ARID4A: variants seen among roughly 807,000 people sequenced by gnomAD.
The protein encoded by ARID4A is AT-rich interactive domain-containing protein 4A.
ARID4A carries 39 observed loss-of-function variants against 148.6 expected under a neutral mutation model. The ratio of observed to expected loss-of-function variants is 0.26; its 90% CI spans 0.20 to 0.34. The LOEUF is 0.34. ARID4A is among the 10% of genes least tolerant of loss of function. The pLI, the probability that ARID4A is intolerant of heterozygous loss-of-function variation, is 1.00. For missense variants in ARID4A, 1,265 were observed against 1,449.1 expected (o/e 0.87, Z 2.06); for synonymous variants, 475 against 481.2 (o/e 0.99, Z 0.17).
intron 18 of ARID4A, 84 bp downstream of exon 18, chr14:58,359,300 GTT>G: frequency 2.2e-6 from 3 of 1,336,436 alleles, no homozygotes; most frequent in Non-Finnish European, 3.1e-6. Context: ...TTTAAGAACA[GTT>G]TTAGGTTTAT....
rs530514153 is a variant in ARID4A, at chr14:58,344,832, C to G, written c.979+65C>G. On this transcript the variant is annotated intron_variant, in intron 12 of 23. Coordinates refer to ENST00000355431, the MANE Select transcript of ARID4A (RefSeq NM_002892.4). ...TTCATGTTTACATTCTAGGTATATG[C>G]ATTGTTTTTGTTAGTATTGCAGATA... The G allele has an allele frequency of 8.3e-6, 10 of 1,198,976 alleles. No homozygotes were observed. The African/African-American group carries it at 1.5e-4, about 18-fold the overall frequency. The allele number at this position is 1,198,976 out of a possible 1,614,324, so 74.3% of individuals were successfully genotyped here. A position where few individuals can be genotyped will look rare whatever the true frequency, so the allele number is the denominator to read the frequency against.
rs1348018482 is a variant in ARID4A, at chr14:58,365,302, T to G, written c.3211+2T>G. The G allele has an allele frequency of 5.6e-6, 9 of 1,599,916 alleles. No homozygotes were observed. Among genetic ancestry groups the G allele is most frequent in the Non-Finnish European group, 7.7e-6 (9 of 1,174,316 alleles). On this transcript the variant is annotated splice_donor_variant, in intron 20 of 23. Coordinates refer to ENST00000355431, the MANE Select transcript of ARID4A (RefSeq NM_002892.4). LOFTEE classifies it high-confidence loss of function. ...AAGAGAGAGAGAGCAGAGAGAAGGGTAAGGACTTTCTAGGGAAAAGTAAGT... is the reference window on the plus strand; with the variant it reads ...AAGAGAGAGAGAGCAGAGAGAAGGGGAAGGACTTTCTAGGGAAAAGTAAGT...
chr14:58,351,000 G>C lies in ARID4A; in HGVS notation c.1405-73G>C, dbSNP rs904246798. On this transcript the variant is annotated intron_variant, in intron 15 of 23. Coordinates refer to ENST00000355431, the MANE Select transcript of ARID4A (RefSeq NM_002892.4). ...AGAGACATTGCTATGAAGGTTAAAGGAAAAGATATTTTTTCCTGCTTTTTT... is the reference window on the plus strand; with the variant it reads ...AGAGACATTGCTATGAAGGTTAAAGCAAAAGATATTTTTTCCTGCTTTTTT... The C allele has an allele frequency of 4.8e-6, 7 of 1,464,418 alleles. No homozygotes were observed. In the African/African-American group the frequency reaches 1.0e-4, roughly 21 times the overall value. 90.7% of individuals were successfully genotyped at this position (1,464,418 alleles called of 1,614,324 possible).
At chr14:58,299,095 A>G (rs971649371) in intron 1 of ARID4A, among the ~76,000 whole-genome samples, 1 of 152,138 alleles carries the variant, frequency 6.6e-6, no homozygotes, top group African/African-American at 2.4e-5. Context: ...GGGCTGTACA[A>G]AAAGTTGAGG....
intron 18 of ARID4A, among the ~76,000 whole-genome samples, chr14:58,359,993 G>A (rs1312044878): frequency 6.6e-6 from 1 of 151,722 alleles, no homozygotes; most frequent in Non-Finnish European, 1.5e-5. Context: ...GTGAACCCAG[G>A]AGGCGGAGCT....
At chr14:58,333,361 T>A (rs2033637982) in intron 11 of ARID4A, among the ~76,000 whole-genome samples, 1 of 151,976 alleles carries the variant, frequency 6.6e-6, no homozygotes, top group Non-Finnish European at 1.5e-5. Flanking sequence ...ATTCATTTAT[T>A]CCTGATTTAT....
intron 11 of ARID4A, among the ~76,000 whole-genome samples, chr14:58,332,193 G>A (rs1480654328): frequency 6.6e-6 from 1 of 152,046 alleles, no homozygotes; most frequent in East Asian, 1.9e-4. Flanking sequence ...CAGAGGCAAA[G>A]CTCTGTTACC....
At chr14:58,358,184 A>C (rs1486834382) in intron 17 of ARID4A, among the ~76,000 whole-genome samples, 1 of 150,926 alleles carries the variant, frequency 6.6e-6, no homozygotes, top group African/African-American at 2.4e-5. Flanking sequence ...TCTCTAAAAA[A>C]ATTGCCGGGT....
At chr14:58,357,261 G>T (rs1365173415) in intron 17 of ARID4A, among the ~76,000 whole-genome samples, 2 of 152,212 alleles carry the variant, frequency 1.3e-5, no homozygotes, top group African/African-American at 2.4e-5. Context: ...CAGTAGGCTA[G>T]ATGTATTAAA....
intron 5 of ARID4A, among the ~76,000 whole-genome samples, chr14:58,308,028 G>A (rs2031745512): frequency 6.6e-6 from 1 of 151,792 alleles, no homozygotes; most frequent in South Asian, 2.1e-4. Flanking sequence ...GATAAAATGC[G>A]CATGCTCTAT....
At chr14:58,350,170 A>T (rs2034569231) in intron 15 of ARID4A, among the ~76,000 whole-genome samples, 1 of 71,786 alleles carries the variant, frequency 1.4e-5, no homozygotes. Context: ...AGATCTGAGG[A>T]GATGGAAGTG....
intron 8 of ARID4A, among the ~76,000 whole-genome samples, chr14:58,324,144 T>TCCG (rs1395262287): frequency 6.6e-6 from 1 of 152,144 alleles, no homozygotes; most frequent in Non-Finnish European, 1.5e-5. Context: ...GACCTCATGG[T>TCCG]CCGCCCACCT....
intron 20 of ARID4A, 24 bp downstream of exon 20, chr14:58,365,324 A>C: frequency 1.3e-6 from 2 of 1,583,154 alleles, no homozygotes; most frequent in Non-Finnish European, 1.7e-6. Context: ...AGGGAAAAGT[A>C]AGTGTTTATA....
At position 58,367,027 on chromosome 14, in the gene ARID4A, A is replaced by C. The variant is rs763508494; in HGVS notation, c.3668A>C (p.Glu1223Ala). The change falls in exon 23 of 24, where the codon GAA (glutamate) becomes GCA (alanine). Residue 1223 changes from glutamate (E) to alanine (A), a missense_variant and splice_region_variant. Around this residue, in one of 9 missense-constraint regions of ARID4A, gnomAD observed 666 missense variants for 730.9 expected, o/e 0.91. Coordinates refer to ENST00000355431, the MANE Select transcript of ARID4A (RefSeq NM_002892.4). The part of the protein sequence containing the change: ...RRKRLKKKDR[E>A]VSHAGASMSS... ...AAAAGATTAAAAAAGAAAGACAGGG[A>C]AGGTAATTTTATTATGATTTTTCTC... is the stretch of plus-strand genomic sequence containing the variant. 1 of 1,487,574 alleles carries C rather than the reference A, an allele frequency of 6.7e-7. No homozygotes were observed. Among genetic ancestry groups the C allele is most frequent in the South Asian group, 1.5e-5 (1 of 68,244 alleles). 92.1% of individuals were successfully genotyped at this position (1,487,574 alleles called of 1,614,324 possible). A position where few individuals can be genotyped will look rare whatever the true frequency, so the allele number is the denominator to read the frequency against.
intron 15 of ARID4A, among the ~76,000 whole-genome samples, chr14:58,350,600 C>A (rs8009636): frequency 0.014 from 2,141 of 152,240 alleles, 60 homozygotes; most frequent in African/African-American, 0.048. Flanking sequence ...AATACAGTGA[C>A]AATGTAAATT....
intron 23 of ARID4A, among the ~76,000 whole-genome samples, chr14:58,370,459 G>A (rs1408745988): frequency 2.0e-5 from 3 of 151,636 alleles, no homozygotes; most frequent in Non-Finnish European, 2.9e-5. Flanking sequence ...ACCATGCCTG[G>A]CTAATTTTTG....
At chr14:58,320,582 T>G (rs1394744967) in intron 7 of ARID4A, among the ~76,000 whole-genome samples, 1 of 151,834 alleles carries the variant, frequency 6.6e-6, no homozygotes, top group Non-Finnish European at 1.5e-5. Flanking sequence ...GTAGCCTTTT[T>G]TCTTCCATGA....
At chr14:58,304,643 T>A (rs1388012098) in intron 3 of ARID4A, among the ~76,000 whole-genome samples, 1 of 152,094 alleles carries the variant, frequency 6.6e-6, no homozygotes, top group Non-Finnish European at 1.5e-5. Context: ...TAAAAAGCAA[T>A]AAAGGCAGTT....
chr14:58,341,096 T>C (rs2140219933), intron 11 of ARID4A, among the ~76,000 whole-genome samples: 1 of 152,288 alleles, frequency 6.6e-6, no homozygotes, highest in Admixed American at 6.5e-5. Flanking sequence ...TCTCTTCCTC[T>C]TCCTTTCATG....
Sources: gnomAD v4.1 joint callset for allele counts (sites outside exome capture counted in the v4.1 genomes callset) on GRCh38, gnomAD v4.1.1 for gene constraint, gnomAD v4.1.1 regional missense constraint, MANE v1.5 for transcripts, NCBI Gene and HGNC (gene_info 2026-07-23, HGNC 2026-07-21) for gene names.